The following C1QTNF3 variants were observed in gnomAD, a reference collection of about 807,000 sequenced individuals.
C1QTNF3 encodes the protein C1q and TNF related 3, also known as complement C1q tumor necrosis factor-related protein 3.
C1QTNF3 carries 26 observed loss-of-function variants against 32.6 expected under a neutral mutation model. The observed-to-expected ratio is 0.80, with a 90% confidence interval of 0.58 to 1.11. C1QTNF3 has a LOEUF of 1.11. Among genes scored for constraint, C1QTNF3 ranks in the 50% least tolerant of loss-of-function variants. The pLI, the probability that C1QTNF3 is intolerant of heterozygous loss-of-function variation, is 0.00. For missense variants in C1QTNF3, 362 were observed against 398.2 expected, an observed-to-expected ratio of 0.91 and a Z score of 0.77; for synonymous variants, 155 against 146.0, an observed-to-expected ratio of 1.06 and a Z score of -0.44.
At chr5:34,097,342 T>C in the C1QTNF3 span, among the ~76,000 whole-genome samples, 1 of 152,020 alleles carries the variant, frequency 6.6e-6, no homozygotes, top group African/African-American at 2.4e-5. Flanking sequence ...ATGTGTCAGG[T>C]ATATATAGAA....
At chr5:34,103,546 C>T in the C1QTNF3 span, among the ~76,000 whole-genome samples, 2 of 144,802 alleles carry the variant, frequency 1.4e-5, no homozygotes, top group East Asian at 2.0e-4. Flanking sequence ...AGTCTGGACG[C>T]GGTGGCTCAC....
At chr5:34,110,361 A>G in the C1QTNF3 span, among the ~76,000 whole-genome samples, 1 of 151,666 alleles carries the variant, frequency 6.6e-6, no homozygotes. Context: ...TAATAGAAAG[A>G]CAGACAGCAG....
chr5:34,171,526 T>C, the C1QTNF3 span, among the ~76,000 whole-genome samples: 2 of 152,088 alleles, frequency 1.3e-5, no homozygotes, highest in African/African-American at 4.8e-5. Context: ...TATACTATAC[T>C]GCAGTAATAA....
At chr5:34,118,231 C>T in the C1QTNF3 span, among the ~76,000 whole-genome samples, 9 of 152,060 alleles carry the variant, frequency 5.9e-5, no homozygotes, top group African/African-American at 2.2e-4. Context: ...GGGTGCACAC[C>T]ACCACGCCTG....
At chr5:34,101,105 C>G in the C1QTNF3 span, among the ~76,000 whole-genome samples, 1 of 151,486 alleles carries the variant, frequency 6.6e-6, no homozygotes, top group East Asian at 1.9e-4. Flanking sequence ...ATCAAAATAG[C>G]TTTCTTTTTG....
At chr5:34,041,325 G>A (rs536013003) in intron 1 of C1QTNF3, among the ~76,000 whole-genome samples, 1 of 152,338 alleles carries the variant, frequency 6.6e-6, no homozygotes, top group Admixed American at 6.5e-5. Flanking sequence ...CTAGAAGGTA[G>A]AGTGAAGGAG....
chr5:34,087,611 T>TC, the C1QTNF3 span, among the ~76,000 whole-genome samples: 2 of 126,198 alleles, frequency 1.6e-5, no homozygotes, highest in Non-Finnish European at 3.2e-5. Context: ...ACAGTCTCTG[T>TC]CACCCAGGCT....
chr5:34,027,190 T>C (rs1754483817), intron 4 of C1QTNF3, among the ~76,000 whole-genome samples: 1 of 152,208 alleles, frequency 6.6e-6, no homozygotes. Flanking sequence ...TAAAGTGGGA[T>C]TTTCTATTTA....
rs978826321 is a variant in C1QTNF3, at chr5:34,018,661, C to A, written c.*1922G>T. Among the ~76,000 whole-genome samples the A allele has an allele frequency of 6.6e-6, 1 of 152,132 alleles. No homozygotes were observed. Among genetic ancestry groups the A allele is most frequent in the East Asian group, 1.9e-4 (1 of 5,196 alleles). On this transcript the variant is annotated 3_prime_UTR_variant, in exon 6 of 6. Transcript: ENST00000382065. The stretch of plus-strand genomic sequence containing the variant: ...TTGACTTCAGCTTTTATTCATGATA[C>A]AATCAATAAAATTCCTTCAATATAA...
the C1QTNF3 span, among the ~76,000 whole-genome samples, chr5:34,112,122 A>G: frequency 6.6e-6 from 1 of 152,182 alleles, no homozygotes; most frequent in Non-Finnish European, 1.5e-5. Context: ...TTGTTTCCCT[A>G]TTATTTGGAG....
the C1QTNF3 span, among the ~76,000 whole-genome samples, chr5:34,061,654 T>C: frequency 6.6e-6 from 1 of 152,216 alleles, no homozygotes; most frequent in Admixed American, 6.5e-5. Flanking sequence ...TCTGAAGCCA[T>C]GGCCCCAGCT....
chr5:34,156,986 C>T, the C1QTNF3 span, among the ~76,000 whole-genome samples: 67 of 152,254 alleles, frequency 4.4e-4, no homozygotes, highest in African/African-American at 1.6e-3. Context: ...GATTTCCTCT[C>T]CAAACCTCTT....
chr5:34,134,811 G>C, the C1QTNF3 span, among the ~76,000 whole-genome samples: 1 of 152,190 alleles, frequency 6.6e-6, no homozygotes, highest in Admixed American at 6.5e-5. Flanking sequence ...ATCAACTTAA[G>C]GAGATTTTGG....
At chr5:34,029,173 A>G (rs563605409) in intron 3 of C1QTNF3, among the ~76,000 whole-genome samples, 3 of 152,376 alleles carry the variant, frequency 2.0e-5, no homozygotes, top group African/African-American at 4.8e-5. Context: ...AGAAAATTTT[A>G]TATGAAATTT....
the C1QTNF3 span, among the ~76,000 whole-genome samples, chr5:34,103,056 C>G: frequency 6.6e-6 from 1 of 152,148 alleles, no homozygotes; most frequent in Non-Finnish European, 1.5e-5. Context: ...TCGACAATCA[C>G]AGTGGCATAT....
the C1QTNF3 span, among the ~76,000 whole-genome samples, chr5:34,103,576 T>C: frequency 2.9e-5 from 4 of 138,248 alleles, no homozygotes; most frequent in Non-Finnish European, 6.2e-5. Context: ...TCCAGCACTT[T>C]GGGAGGCCGA....
the C1QTNF3 span, among the ~76,000 whole-genome samples, chr5:34,107,146 C>T: frequency 1.0e-5 from 1 of 95,472 alleles, no homozygotes; most frequent in Non-Finnish European, 2.1e-5. Context: ...AGGAGATATG[C>T]TGAATATACT....
At position 34,033,426 on chromosome 5, in the gene C1QTNF3, T is replaced by C; in HGVS notation, c.448A>G (p.Thr150Ala). 6.2e-7 allele frequency: 1 copy of C among 1,614,228 alleles called. No individual in the cohort carries two copies. Among genetic ancestry groups the C allele is most frequent in the Non-Finnish European group, 8.5e-7 (1 of 1,180,030 alleles). Residue 150 changes from threonine to alanine, a missense_variant, in exon 3 of 6, where the codon ACT (threonine) becomes GCT (alanine). Thr to Ala is a moderately conservative substitution (Grantham distance 58, BLOSUM62 0). Transcript: ENST00000382065. ...TCACCTTTGGCTCCTTCATGACCAGTGGCTCCATTGTTGCCATTGTTTCCA... is the reference window on the plus strand; with the variant it reads ...TCACCTTTGGCTCCTTCATGACCAGCGGCTCCATTGTTGCCATTGTTTCCA... ...NHGNNGNNGA[T>A]GHEGAKGEKG...
the C1QTNF3 span, among the ~76,000 whole-genome samples, chr5:34,066,426 A>C: frequency 6.6e-6 from 1 of 152,206 alleles, no homozygotes; most frequent in Non-Finnish European, 1.5e-5. Context: ...AACATAGATA[A>C]ACAAAGTTGT....
Sources: gnomAD v4.1 joint callset for allele counts (sites outside exome capture counted in the v4.1 genomes callset) on GRCh38, gnomAD v4.1.1 for gene constraint, MANE v1.5 for transcripts, NCBI Gene and HGNC (gene_info 2026-07-23, HGNC 2026-07-21) for gene names.